The following CAMTA1 variants were observed in gnomAD, a reference collection of about 807,000 sequenced individuals.
The protein encoded by CAMTA1 is calmodulin binding transcription activator 1.
Under a neutral mutation model 170.9 loss-of-function variants are expected in CAMTA1, and 27 were observed. That is an observed-to-expected ratio of 0.16 (90% CI 0.12 to 0.22). The LOEUF is 0.22. CAMTA1 is among the 10% of genes least tolerant of loss of function. The probability of loss-of-function intolerance (pLI) is 1.00; values close to 1 mark genes in which losing one functional copy is unlikely to be tolerated. For synonymous variants in CAMTA1, 833 were observed against 891.5 expected, an observed-to-expected ratio of 0.93 and a Z score of 1.17; for missense variants, 1,619 against 2,217.2, an observed-to-expected ratio of 0.73 and a Z score of 5.42.
chr1:7,089,689 CCTT>C (rs1362069323), intron 3 of CAMTA1, among the ~76,000 whole-genome samples: 1 of 152,138 alleles, frequency 6.6e-6, no homozygotes, highest in Non-Finnish European at 1.5e-5. Context: ...TGTTCCTTAT[CCTT>C]CTCATGCTAC....
chr1:6,942,688 A>G (rs1461168157), intron 3 of CAMTA1, among the ~76,000 whole-genome samples: 3 of 152,152 alleles, frequency 2.0e-5, no homozygotes, highest in Non-Finnish European at 4.4e-5. Context: ...ACCAAAACAA[A>G]CCATGGGCTC....
chr1:7,668,431 A>C (rs975621229), intron 9 of CAMTA1, among the ~76,000 whole-genome samples: 7 of 123,162 alleles, frequency 5.7e-5, no homozygotes, highest in East Asian at 3.8e-4. Flanking sequence ...ACACACACAC[A>C]CCCACCACAC....
chr1:7,084,083 C>G (rs187451142), intron 3 of CAMTA1, among the ~76,000 whole-genome samples: 1 of 151,566 alleles, frequency 6.6e-6, no homozygotes, highest in East Asian at 1.9e-4. Context: ...ATCCATGTTT[C>G]TATGTGCAAA....
At chr1:6,975,853 A>C (rs924044210) in intron 3 of CAMTA1, among the ~76,000 whole-genome samples, 8 of 152,098 alleles carry the variant, frequency 5.3e-5, no homozygotes, top group South Asian at 2.1e-4. Flanking sequence ...TCTGCTTTCT[A>C]TCTCTATGGA....
intron 6 of CAMTA1, among the ~76,000 whole-genome samples, chr1:7,498,202 GTGTGACA>G (rs2093866291): frequency 1.3e-5 from 2 of 151,986 alleles, no homozygotes; most frequent in African/African-American, 4.8e-5. Context: ...GTGTGTGTGT[GTGTGACA>G]GTGTGGATGT....
intron 3 of CAMTA1, among the ~76,000 whole-genome samples, chr1:6,828,687 A>T (rs1198428545): frequency 1.3e-5 from 2 of 151,922 alleles, no homozygotes; most frequent in African/African-American, 4.8e-5. Flanking sequence ...GGTGGGTAAC[A>T]TTTCCTTTTA....
At chr1:6,993,448 AT>A (rs920366067) in intron 3 of CAMTA1, among the ~76,000 whole-genome samples, 52 of 149,282 alleles carry the variant, frequency 3.5e-4, no homozygotes, top group Admixed American at 1.5e-3. Flanking sequence ...GCATTTTATG[AT>A]TTTTTTTTTA....
At chr1:7,371,325 C>T (rs967394546) in intron 5 of CAMTA1, among the ~76,000 whole-genome samples, 4 of 151,862 alleles carry the variant, frequency 2.6e-5, no homozygotes, top group South Asian at 4.2e-4. Flanking sequence ...TGGCGTATCT[C>T]GGCTCACTGC....
chr1:7,147,787 AC>A lies in CAMTA1; in HGVS notation c.302+56417del, dbSNP rs530390722. On this transcript the variant is annotated intron_variant, in intron 4 of 22. Transcript: ENST00000303635. The stretch of plus-strand genomic sequence containing the variant: ...ATACCATGCACACACACAAACTCAA[AC>A]ATATACCATGCACACACACATTCAT... 6.0e-5 allele frequency among the ~76,000 whole-genome samples: 9 copies of A among 150,740 alleles called. No individual in the cohort carries two copies. The South Asian group carries it at 1.3e-3, about 21-fold the overall frequency.
chr1:7,518,946 A>AG (rs1428666160), intron 6 of CAMTA1, among the ~76,000 whole-genome samples: 1 of 151,870 alleles, frequency 6.6e-6, no homozygotes, highest in Non-Finnish European at 1.5e-5. Flanking sequence ...TCCCCAGGGG[A>AG]GGGGGCCCCC....
At chr1:7,317,373 G>A (rs554660023) in intron 5 of CAMTA1, among the ~76,000 whole-genome samples, 1 of 152,308 alleles carries the variant, frequency 6.6e-6, no homozygotes, top group African/African-American at 2.4e-5. Flanking sequence ...TGACACTGAA[G>A]AAGTCACTCA....
intron 3 of CAMTA1, among the ~76,000 whole-genome samples, chr1:6,897,935 T>C (rs777009647): frequency 3.9e-5 from 6 of 152,232 alleles, no homozygotes; most frequent in Admixed American, 2.0e-4. Flanking sequence ...ATGGCTAAGA[T>C]ATTTGCAGAA....
rs1243200827 is a variant in CAMTA1 at position 7,736,304 on chromosome 1, C to G, written c.3067-40C>G. On this transcript the variant is annotated intron_variant, in intron 12 of 22. Coordinates refer to ENST00000303635, the MANE Select transcript of CAMTA1 (RefSeq NM_015215.4). The surrounding 1 kb of genome is among the most constrained non-coding windows in gnomAD (Gnocchi z 4.5). ...TCGAAGCGCTGATGGGGTCGAGGGC[C>G]TTTAGTCCTGAGGTCGTAACGTGCG... 4 of 1,585,586 alleles carry G rather than the reference C, an allele frequency of 2.5e-6. No homozygotes were observed. Among genetic ancestry groups the G allele is most frequent in the Admixed American group, 1.8e-5 (1 of 57,102 alleles).
rs1558335868 is a variant in CAMTA1, at chr1:7,270,240, TACATAC to T, written c.438+20618_438+20623del. Among the ~76,000 whole-genome samples, 10 of 74,308 alleles carry T rather than the reference TACATAC, an allele frequency of 1.3e-4. No individual in the cohort carries two copies. In the South Asian group the frequency reaches 2.7e-3, roughly 20 times the overall value. 48.7% of individuals were successfully genotyped at this position (74,308 alleles called of 152,430 possible). ...ATATATACATATATATACACATATA[TACATAC>T]ACACACACACACACACACACACACA... On this transcript the variant is annotated intron_variant, in intron 5 of 22. Coordinates refer to ENST00000303635, the MANE Select transcript of CAMTA1 (RefSeq NM_015215.4).
chr1:6,929,356 T>TG (rs1416457762), intron 3 of CAMTA1, among the ~76,000 whole-genome samples: 18 of 150,180 alleles, frequency 1.2e-4, no homozygotes, highest in Non-Finnish European at 8.9e-5. Context: ...ATTTTTTTTT[T>TG]TTTGTTTGTT....
chr1:7,332,599 C>T (rs547851679), intron 5 of CAMTA1, among the ~76,000 whole-genome samples: 8 of 152,146 alleles, frequency 5.3e-5, no homozygotes, highest in African/African-American at 1.4e-4. Context: ...TTTAGTTTAA[C>T]GTGAGAATTA....
chr1:7,015,267 G>A (rs567020275), intron 3 of CAMTA1, among the ~76,000 whole-genome samples: 6 of 152,200 alleles, frequency 3.9e-5, no homozygotes, highest in South Asian at 2.1e-4. Flanking sequence ...GATTTCCTAC[G>A]TTGTCCCCTG....
chr1:7,094,605 G>A (rs925729423), intron 4 of CAMTA1, among the ~76,000 whole-genome samples: 6 of 152,066 alleles, frequency 3.9e-5, no homozygotes, highest in African/African-American at 1.4e-4. Flanking sequence ...CTGCTGGCTG[G>A]GGGTTATAAA....
intron 5 of CAMTA1, among the ~76,000 whole-genome samples, chr1:7,304,741 G>A (rs1031260412): frequency 1.2e-4 from 18 of 150,736 alleles, no homozygotes; most frequent in Admixed American, 4.6e-4. Context: ...TTTTCTTATC[G>A]GTTAGAAGAT....
Sources: allele counts gnomAD v4.1 joint callset (sites outside exome capture counted in the v4.1 genomes callset), GRCh38; gene constraint gnomAD v4.1.1; non-coding constraint Gnocchi (gnomAD v3.1); transcripts MANE v1.5; gene names NCBI Gene and HGNC (gene_info 2026-07-23, HGNC 2026-07-21).